Variants in PRKCH observed in about 807,000 individuals in gnomAD.
The protein encoded by PRKCH is protein kinase C eta type.
PRKCH carries 28 observed loss-of-function variants against 82.5 expected under a neutral mutation model. The observed-to-expected ratio is 0.34, with a 90% CI of 0.25 to 0.47. PRKCH has a LOEUF of 0.47. Ranked by LOEUF, PRKCH falls within the 20% of genes least tolerant of loss-of-function variation. The probability of loss-of-function intolerance (pLI) is 1.00; values close to 1 mark genes in which losing one functional copy is unlikely to be tolerated. For synonymous variants in PRKCH, 322 were observed against 327.4 expected, an observed-to-expected ratio of 0.98 and a Z score of 0.18; for missense variants, 705 against 881.8, an observed-to-expected ratio of 0.80 and a Z score of 2.54.
chr14:61,426,397 G>A (rs925276705), intron 2 of PRKCH, among the ~76,000 whole-genome samples: 5 of 152,156 alleles, frequency 3.3e-5, no homozygotes, highest in African/African-American at 1.2e-4. Context: ...ACAGACACCA[G>A]AAACATGATC....
At chr14:61,495,687 G>C (rs192877944) in intron 10 of PRKCH, among the ~76,000 whole-genome samples, 3 of 152,182 alleles carry the variant, frequency 2.0e-5, no homozygotes, top group Non-Finnish European at 4.4e-5. Context: ...TTTTTTTGTT[G>C]TTGGGCACTC....
chr14:61,244,850 A>G (rs969385642), intron 1 of PRKCH, among the ~76,000 whole-genome samples: 2 of 152,248 alleles, frequency 1.3e-5, no homozygotes, highest in Admixed American at 6.5e-5. Context: ...TGAATGTTCT[A>G]TAAAACCTGC....
At chr14:61,199,460 C>T (rs2044463339) in intron 1 of PRKCH, among the ~76,000 whole-genome samples, 1 of 152,200 alleles carries the variant, frequency 6.6e-6, no homozygotes, top group African/African-American at 2.4e-5. Flanking sequence ...CAGCATTTCT[C>T]TTCTGTTTTC....
At chr14:61,289,146 C>T (rs913562261) in intron 1 of PRKCH, among the ~76,000 whole-genome samples, 3 of 152,204 alleles carry the variant, frequency 2.0e-5, no homozygotes, top group Non-Finnish European at 4.4e-5. Flanking sequence ...CCACCACACC[C>T]AGCCCCACTT....
intron 1 of PRKCH, among the ~76,000 whole-genome samples, chr14:61,389,588 C>G (rs1407425618): frequency 2.0e-5 from 3 of 151,658 alleles, no homozygotes; most frequent in African/African-American, 7.3e-5. Context: ...ATAGTCCTAG[C>G]TACTTGGGAG....
chr14:61,444,062 A>C (rs767636186), intron 3 of PRKCH, among the ~76,000 whole-genome samples: 64 of 152,350 alleles, frequency 4.2e-4, no homozygotes, highest in Non-Finnish European at 7.3e-4. Flanking sequence ...GGATCAGAGC[A>C]GTTTCTGAAT....
chr14:61,247,650 C>T (rs982601452), intron 1 of PRKCH, among the ~76,000 whole-genome samples: 3 of 144,690 alleles, frequency 2.1e-5, no homozygotes, highest in Admixed American at 7.2e-5. Flanking sequence ...GCAGGAGAAT[C>T]GCTTGAACCC....
intron 1 of PRKCH, among the ~76,000 whole-genome samples, chr14:61,352,270 T>C (rs1364947550): frequency 6.6e-6 from 1 of 152,178 alleles, no homozygotes; most frequent in African/African-American, 2.4e-5. Flanking sequence ...CTATTTCCCT[T>C]ATTTATCCTT....
intron 2 of PRKCH, among the ~76,000 whole-genome samples, chr14:61,396,013 G>T (rs890217063): frequency 4.6e-5 from 7 of 151,704 alleles, no homozygotes; most frequent in Admixed American, 1.3e-4. Context: ...CTGGGAAGTG[G>T]AGGTTGCAGT....
At chr14:61,488,972 A>G (rs1228246683) in intron 10 of PRKCH, among the ~76,000 whole-genome samples, 1 of 152,210 alleles carries the variant, frequency 6.6e-6, no homozygotes, top group Non-Finnish European at 1.5e-5. Context: ...GTTAATTAGG[A>G]TAGATTCAAA....
At chr14:61,385,581 A>C (rs1466412497) in intron 1 of PRKCH, among the ~76,000 whole-genome samples, 1 of 152,172 alleles carries the variant, frequency 6.6e-6, no homozygotes, top group East Asian at 1.9e-4. Flanking sequence ...ATCAACGTTA[A>C]TGATAATCTT....
intron 2 of PRKCH, among the ~76,000 whole-genome samples, chr14:61,437,955 C>G (rs974208607): frequency 3.3e-5 from 5 of 152,078 alleles, no homozygotes. Context: ...CTTTCTATTC[C>G]TAGAACTCTA....
intron 12 of PRKCH, among the ~76,000 whole-genome samples, chr14:61,542,076 G>T (rs1429077980): frequency 6.6e-6 from 1 of 151,908 alleles, no homozygotes; most frequent in African/African-American, 2.4e-5. Context: ...GATCACTTGA[G>T]GTCAGGAGTT....
At chr14:61,415,169 A>C (rs529903950) in intron 2 of PRKCH, among the ~76,000 whole-genome samples, 1 of 152,230 alleles carries the variant, frequency 6.6e-6, no homozygotes, top group African/African-American at 2.4e-5. Flanking sequence ...GCTTGAACAC[A>C]CACATTTTCC....
At chr14:61,367,767 T>G (rs1045759247) in intron 1 of PRKCH, among the ~76,000 whole-genome samples, 2 of 149,114 alleles carry the variant, frequency 1.3e-5, no homozygotes, top group Non-Finnish European at 3.0e-5. Flanking sequence ...CAGGCTGGAG[T>G]GCAGTGGCGC....
chr14:61,204,844 T>C (rs1248151191), intron 1 of PRKCH, among the ~76,000 whole-genome samples: 12 of 151,804 alleles, frequency 7.9e-5, no homozygotes, highest in Admixed American at 7.2e-4. Flanking sequence ...CCAAAAGAAC[T>C]AAAAACAAGT....
intron 2 of PRKCH, among the ~76,000 whole-genome samples, chr14:61,415,907 A>G (rs1458390121): frequency 6.6e-6 from 1 of 152,062 alleles, no homozygotes; most frequent in Non-Finnish European, 1.5e-5. Flanking sequence ...TGACTACTCT[A>G]AGTACCTCCT....
At chr14:61,193,966 GC>G (rs2044424953) in intron 1 of PRKCH, among the ~76,000 whole-genome samples, 1 of 152,068 alleles carries the variant, frequency 6.6e-6, no homozygotes, top group South Asian at 2.1e-4. Flanking sequence ...TGAACAATAG[GC>G]CCACCATGGC....
chr14:61,456,154 C>T (rs983441340), intron 7 of PRKCH, among the ~76,000 whole-genome samples: 2 of 152,200 alleles, frequency 1.3e-5, no homozygotes, highest in Non-Finnish European at 2.9e-5. Flanking sequence ...ATTTAGGCCT[C>T]CTAATGACTC....
Sources: allele counts gnomAD v4.1 joint callset (sites outside exome capture counted in the v4.1 genomes callset), GRCh38; gene constraint gnomAD v4.1.1; transcripts MANE v1.5; gene names NCBI Gene and HGNC (gene_info 2026-07-23, HGNC 2026-07-21).